Variants in CYREN observed in about 807,000 individuals in gnomAD.
The protein encoded by CYREN is cell cycle regulator of non-homologous end joining.
A neutral mutation model predicts 9.7 loss-of-function variants in CYREN; 7 were observed. That is an observed-to-expected ratio of 0.72 (90% CI 0.41 to 1.36). The LOEUF is 1.36. CYREN is among the 40% of genes most tolerant of loss of function. The probability of loss-of-function intolerance (pLI) is 0.01; values close to 1 mark genes in which losing one functional copy is unlikely to be tolerated. For missense variants in CYREN, 215 were observed against 198.1 expected, an observed-to-expected ratio of 1.09 and a Z score of -0.51; for synonymous variants, 76 against 77.9, an observed-to-expected ratio of 0.98 and a Z score of 0.13.
chr7:135,096,623 A>AGATAGATAGATAGATAGATG (rs1563260394), intron 2 of CYREN, among the ~76,000 whole-genome samples: 1 of 149,726 alleles, frequency 6.7e-6, no homozygotes, highest in Non-Finnish European at 1.5e-5. Context: ...ATAGATAGAT[A>AGATAGATAGATAGATAGATG]GGGCTATTCT....
At chr7:135,129,708 GA>G in intron 2 of CYREN, 1 of 757,064 alleles carries the variant, frequency 1.3e-6, no homozygotes, top group Non-Finnish European at 2.4e-6. Flanking sequence ...TACTGCTCAA[GA>G]TATGGAAGTG....
chr7:135,136,390 T>C (rs1412551231), intron 2 of CYREN, among the ~76,000 whole-genome samples: 1 of 152,096 alleles, frequency 6.6e-6, no homozygotes, highest in Non-Finnish European at 1.5e-5. Flanking sequence ...ATAGATTTCC[T>C]CAGGAATCTT....
chr7:135,096,733 G>GAGAAAGAAAGAA (rs1441379719), intron 2 of CYREN, among the ~76,000 whole-genome samples: 3 of 51,148 alleles, frequency 5.9e-5, no homozygotes, highest in East Asian at 5.4e-4. Flanking sequence ...AAGAAAGAAA[G>GAGAAAGAAAGAA]AGAAAGAATG....
At chr7:135,131,825 G>T (rs1828819922) in intron 2 of CYREN, among the ~76,000 whole-genome samples, 1 of 151,842 alleles carries the variant, frequency 6.6e-6, no homozygotes, top group Non-Finnish European at 1.5e-5. Context: ...AAGAAAAAAA[G>T]ACATAAATTA....
intron 2 of CYREN, among the ~76,000 whole-genome samples, chr7:135,126,261 G>A (rs1205164725): frequency 6.6e-6 from 1 of 152,126 alleles, no homozygotes; most frequent in Non-Finnish European, 1.5e-5. Flanking sequence ...GATAAGCAGA[G>A]AGCCAAATCA....
At chr7:135,122,516 AC>A (rs916679175) in intron 2 of CYREN, among the ~76,000 whole-genome samples, 5 of 151,332 alleles carry the variant, frequency 3.3e-5, no homozygotes, top group African/African-American at 1.2e-4. Context: ...AGCGAAGCAC[AC>A]CCCCCCAACC....
In CYREN at chr7:135,166,829, C is replaced by T; in HGVS notation, c.256G>A (p.Gly86Arg). ...GGGGAGTGCTCTGGGTTATCAGCCC[C>T]CGCCAGGGCCGGCTGCTCGCAGGCC... is the stretch of plus-strand genomic sequence containing the variant. ...EKACEQPALA[G>R]ADNPEHSPPC... The change falls in exon 4 of 4, where the codon GGG (glycine) becomes AGG (arginine). Residue 86 changes from glycine (G) to arginine (R), a missense_variant. Physicochemically the swap from Gly to Arg is moderately radical, Grantham distance 125. Transcript: ENST00000393114. 6.2e-7 allele frequency: 1 copy of T among 1,614,128 alleles called. No individual in the cohort carries two copies. Among genetic ancestry groups the T allele is most frequent in the Non-Finnish European group, 8.5e-7 (1 of 1,179,984 alleles).
chr7:135,135,066 C>A, intron 2 of CYREN: 1 of 1,551,224 alleles, frequency 6.4e-7, no homozygotes, highest in South Asian at 1.2e-5. Flanking sequence ...AACCTCTCAG[C>A]AGCAAGTGGG....
intron 2 of CYREN, among the ~76,000 whole-genome samples, chr7:135,155,660 G>A (rs1360136310): frequency 1.3e-5 from 2 of 152,174 alleles, no homozygotes; most frequent in African/African-American, 4.8e-5. Flanking sequence ...AGACCAACCG[G>A]GGCAAAATAG....
intron 2 of CYREN, chr7:135,099,882 C>CTTTTTTTTTT (rs34324217): frequency 1.6e-5 from 1 of 62,700 alleles, no homozygotes; most frequent in Non-Finnish European, 2.8e-5. Context: ...CTGAGTTTCT[C>CTTTTTTTTTT]TTTTTTTTTT....
chr7:135,118,636 CA>C (rs2117218444), intron 2 of CYREN, among the ~76,000 whole-genome samples: 1 of 152,154 alleles, frequency 6.6e-6, no homozygotes, highest in African/African-American at 2.4e-5. Context: ...ATTCTTGTAC[CA>C]AGAACCAGGA....
intron 2 of CYREN, among the ~76,000 whole-genome samples, chr7:135,116,477 A>AGTAG (rs1826328460): frequency 6.6e-6 from 1 of 152,226 alleles, no homozygotes; most frequent in African/African-American, 2.4e-5. Context: ...GCAGTAGTAA[A>AGTAG]AACCCTGACT....
At chr7:135,113,073 G>A (rs1018089444) in intron 2 of CYREN, among the ~76,000 whole-genome samples, 6 of 152,124 alleles carry the variant, frequency 3.9e-5, no homozygotes, top group Non-Finnish European at 8.8e-5. Context: ...TACCACACCC[G>A]GCCTACATTC....
At chr7:135,123,467 C>T (rs1208528821) in intron 2 of CYREN, among the ~76,000 whole-genome samples, 1 of 152,086 alleles carries the variant, frequency 6.6e-6, no homozygotes, top group Non-Finnish European at 1.5e-5. Context: ...GGAAAACACG[C>T]TTTATGATAT....
chr7:135,117,744 T>C (rs1027419022), intron 2 of CYREN, among the ~76,000 whole-genome samples: 10 of 152,238 alleles, frequency 6.6e-5, no homozygotes, highest in African/African-American at 2.4e-4. Context: ...TATTTCCATA[T>C]ACACCTATAT....
intron 2 of CYREN, among the ~76,000 whole-genome samples, chr7:135,145,781 C>T (rs1301479255): frequency 6.6e-6 from 1 of 152,126 alleles, no homozygotes; most frequent in African/African-American, 2.4e-5. Flanking sequence ...AGGTTCTGTT[C>T]CTGACCACTG....
chr7:135,145,045 T>G (rs978809170), intron 2 of CYREN, among the ~76,000 whole-genome samples: 1 of 147,276 alleles, frequency 6.8e-6, no homozygotes, highest in Non-Finnish European at 1.5e-5. Flanking sequence ...TTGCTCCCTC[T>G]CAAAACCACC....
chr7:135,134,208 G>A (rs777872687), intron 2 of CYREN, among the ~76,000 whole-genome samples: 17 of 152,012 alleles, frequency 1.1e-4, no homozygotes, highest in Admixed American at 5.9e-4. Context: ...GGGGAAATTG[G>A]GTGAAGAGTT....
In CYREN at chr7:135,128,390, A is replaced by T. The variant is rs1221088321; in HGVS notation, n.357-33808T>A. 1.3e-5 allele frequency: 7 copies of T among 552,248 alleles called. 1 individual carries two copies. The highest frequency in any genetic ancestry group is 2.3e-5 in the Non-Finnish European group (7 of 300,962). 34.2% of individuals were successfully genotyped at this position (552,248 alleles called of 1,614,324 possible). On this transcript the variant is annotated intron_variant and non_coding_transcript_variant, in intron 2 of 2. Transcript: ENST00000459937. ...CCCTGGTGGGAGTGTAGCAGTGAGG[A>T]TGATCAGAGATCACTCTCATGGTCA...
Sources: allele counts gnomAD v4.1 joint callset (sites outside exome capture counted in the v4.1 genomes callset), GRCh38; gene constraint gnomAD v4.1.1; transcripts MANE v1.5; gene names NCBI Gene and HGNC (gene_info 2026-07-23, HGNC 2026-07-21).